The following KAT8 variants were observed in gnomAD, a reference collection of about 807,000 sequenced individuals.
KAT8 encodes the protein lysine acetyltransferase 8.
In KAT8, 40 loss-of-function variants were observed where a neutral mutation model predicts 62.9. The observed-to-expected ratio is 0.64, with a 90% CI of 0.49 to 0.83. KAT8 has a LOEUF of 0.83. Among genes scored for constraint, KAT8 ranks in the 40% least tolerant of loss-of-function variants. The probability of loss-of-function intolerance (pLI) is 0.00; values close to 1 mark genes in which losing one functional copy is unlikely to be tolerated. For synonymous variants in KAT8, 278 were observed against 254.5 expected (o/e 1.09, Z -0.88); for missense variants, 387 against 614.8 (o/e 0.63, Z 3.92).
At chr16:31,119,172 A>G (rs1336356262) in intron 1 of KAT8, among the ~76,000 whole-genome samples, 1 of 152,004 alleles carries the variant, frequency 6.6e-6, no homozygotes, top group African/African-American at 2.4e-5. Flanking sequence ...TTTGTTTGAG[A>G]TGGAATCGCT....
rs1465614829 is a variant in KAT8, at chr16:31,128,221, G to A, written c.771+82G>A. 12 of 1,105,200 alleles carry A rather than the reference G, an allele frequency of 1.1e-5. No homozygotes were observed. In the Admixed American group the frequency reaches 2.3e-4, roughly 22 times the overall value. The allele number at this position is 1,105,200 out of a possible 1,614,324, so 68.5% of individuals were successfully genotyped here. Reference sequence around the variant, plus strand: ...TGATCCTCATCACCACCAAAGGGGAGGGGGCAGCCTTAGCTGAGCCTCTAT... The same window carrying A: ...TGATCCTCATCACCACCAAAGGGGAAGGGGCAGCCTTAGCTGAGCCTCTAT... On this transcript the variant is annotated intron_variant, in intron 6 of 10. Coordinates refer to ENST00000219797, the MANE Select transcript of KAT8 (RefSeq NM_032188.3).
chr16:31,123,626 C>T (rs531414998), intron 3 of KAT8: 1 of 152,364 alleles, frequency 6.6e-6, no homozygotes, highest in Admixed American at 6.5e-5. Flanking sequence ...TGTGCCTCAG[C>T]CTCCCAAGTA....
chr16:31,120,424 G>C lies in KAT8; in HGVS notation c.372G>C (p.Glu124Asp), dbSNP rs2143966629. 4 of 1,614,006 alleles carry C rather than the reference G, an allele frequency of 2.5e-6. No individual in the cohort carries two copies. Among genetic ancestry groups the C allele is most frequent in the Non-Finnish European group, 3.4e-6 (4 of 1,180,020 alleles). The change falls in exon 3 of 11, where the codon GAG (glutamate) becomes GAC (aspartate). Residue 124 changes from glutamate (E) to aspartate (D), a missense_variant. Coordinates refer to ENST00000219797, the MANE Select transcript of KAT8 (RefSeq NM_032188.3). Reference protein sequence around the residue: ...TVKDAVQKNSEKYLSELAEQP... With the variant: ...TVKDAVQKNSDKYLSELAEQP... The stretch of plus-strand genomic sequence containing the variant: ...AGGATGCTGTACAGAAGAACTCAGA[G>C]AAGTACCTGAGCGAGCTCGCAGAGC...
rs766526589 is a variant in KAT8 at position 31,117,861 on chromosome 16, G to C, written c.180G>C (p.Thr60=). The C allele has an allele frequency of 8.4e-6, 12 of 1,420,482 alleles. No individual in the cohort carries two copies. Among genetic ancestry groups the C allele is most frequent in the South Asian group, 1.4e-5 (1 of 70,242 alleles). The allele number at this position is 1,420,482 out of a possible 1,614,324, so 88.0% of individuals were successfully genotyped here. A position where few individuals can be genotyped will look rare whatever the true frequency, so the allele number is the denominator to read the frequency against. Residue 60 remains threonine, a synonymous_variant, in exon 1 of 11, where the codon ACG becomes ACC. Coordinates refer to ENST00000219797, the MANE Select transcript of KAT8 (RefSeq NM_032188.3). The stretch of plus-strand genomic sequence containing the variant: ...AAGTCACGGTGGAGATCGGAGAAAC[G>C]TACCTGTGCCGGCGACCGGATAGCA... ...EPEVTVEIGE[T]YLCRRPDSTW... is the part of the protein sequence containing the mutation.
Position 31,120,406 on chromosome 16 carries a change from T to G in KAT8, c.354T>G (p.Ala118=). Residue 118 remains alanine (A), a synonymous_variant, in exon 3 of 11, where the codon GCT becomes GCG. Transcript: ENST00000219797. ...CGCTGACCAAGACAGTGAAGGATGC[T>G]GTACAGAAGAACTCAGAGAAGTACC... ...RLALTKTVKD[A]VQKNSEKYLS... is the part of the protein sequence containing the mutation. 2 of 1,614,058 alleles carry G rather than the reference T, an allele frequency of 1.2e-6. No homozygotes were observed. The highest frequency in any genetic ancestry group is 1.7e-6 in the Non-Finnish European group (2 of 1,180,006).
intron 1 of KAT8, among the ~76,000 whole-genome samples, chr16:31,119,608 C>A (rs1596817330): frequency 6.6e-6 from 1 of 152,094 alleles, no homozygotes; most frequent in Non-Finnish European, 1.5e-5. Flanking sequence ...AAATCTGTGA[C>A]CCTAGGTAAG....
chr16:31,128,364 A>G (rs969123075), intron 6 of KAT8, among the ~76,000 whole-genome samples: 10 of 152,268 alleles, frequency 6.6e-5, no homozygotes, highest in Admixed American at 2.0e-4. Context: ...CCTGGGTAAC[A>G]TGACGAAACT....
chr16:31,120,123 T>C (rs373569982), intron 1 of KAT8, 63 bp from the exon 2 acceptor site: 1 of 1,360,270 alleles, frequency 7.4e-7, no homozygotes, highest in African/African-American at 1.4e-5. Context: ...TGCTTCTCAG[T>C]GTGCAGGATT....
chr16:31,128,142 G>A lies in KAT8; in HGVS notation c.771+3G>A. ...AAGTTGATGGCAAAGACCATAAGGTGAGTGGGTGGCCAGGGGTTGGGAGAG... is the reference window on the plus strand; with the variant it reads ...AAGTTGATGGCAAAGACCATAAGGTAAGTGGGTGGCCAGGGGTTGGGAGAG... On this transcript the variant is annotated splice_donor_region_variant and intron_variant, in intron 6 of 10. Coordinates refer to ENST00000219797, the MANE Select transcript of KAT8 (RefSeq NM_032188.3). 6.2e-7 allele frequency: 1 copy of A among 1,612,898 alleles called. No homozygotes were observed. The highest frequency in any genetic ancestry group is 8.5e-7 in the Non-Finnish European group (1 of 1,179,120).
chr16:31,120,608 A>G (rs2057485998), intron 3 of KAT8, 94 bp downstream of exon 3: 6 of 1,169,880 alleles, frequency 5.1e-6, no homozygotes, highest in African/African-American at 1.5e-5. Context: ...ACCATAGCAA[A>G]TCCCATTTCT....
chr16:31,117,699 T>C lies in KAT8; in HGVS notation c.18T>C (p.Ala6=). The part of the protein sequence containing the change: MAAQG[A]AAAVAAGTSG... ...TTCCCGCGATGGCGGCACAGGGAGCTGCTGCGGCGGTTGCGGCGGGGACTT... is the reference window on the plus strand; with the variant it reads ...TTCCCGCGATGGCGGCACAGGGAGCCGCTGCGGCGGTTGCGGCGGGGACTT... Residue 6 remains alanine (A), a synonymous_variant, in exon 1 of 11, where the codon GCT becomes GCC. Transcript: ENST00000219797. The C allele has an allele frequency of 1.4e-6, 2 of 1,402,736 alleles. No individual in the cohort carries two copies. The highest frequency in any genetic ancestry group is 1.9e-6 in the Non-Finnish European group (2 of 1,073,980). 86.9% of individuals were successfully genotyped at this position (1,402,736 alleles called of 1,614,324 possible).
At chr16:31,123,055 C>T (rs1218207047) in intron 3 of KAT8, among the ~76,000 whole-genome samples, 2 of 151,954 alleles carry the variant, frequency 1.3e-5, no homozygotes, top group African/African-American at 2.4e-5. Flanking sequence ...TGGTGGTGCA[C>T]ACCTGTAATC....
intron 6 of KAT8, among the ~76,000 whole-genome samples, chr16:31,129,363 G>A (rs2057555371): frequency 6.6e-6 from 1 of 152,304 alleles, no homozygotes; most frequent in East Asian, 1.9e-4. Flanking sequence ...TTCCAACTGC[G>A]CTCTGCCAGC....
At chr16:31,120,147 C>G in intron 1 of KAT8, 39 bp from the exon 2 acceptor site, 1 of 1,564,700 alleles carries the variant, frequency 6.4e-7, no homozygotes, top group South Asian at 1.1e-5. Context: ...TTTGTTCCAG[C>G]CTTACCTTCC....
chr16:31,130,970 G>T, intron 10 of KAT8, 70 bp downstream of exon 10: 3 of 1,563,564 alleles, frequency 1.9e-6, no homozygotes, highest in Non-Finnish European at 2.6e-6. Flanking sequence ...AGGAGTCAAG[G>T]CCTCCTTATT....
intron 3 of KAT8, chr16:31,123,567 C>G (rs187157880): frequency 6.6e-6 from 1 of 151,254 alleles, no homozygotes; most frequent in South Asian, 2.1e-4. Context: ...AGTACAGTGG[C>G]GAGCTCTTGG....
In KAT8 at chr16:31,127,273, T is replaced by G; in HGVS notation, c.601T>G (p.Tyr201Asp). 6.2e-7 allele frequency: 1 copy of G among 1,614,186 alleles called. No individual in the cohort carries two copies. The highest frequency in any genetic ancestry group is 8.5e-7 in the Non-Finnish European group (1 of 1,180,000). ...GTATTTCTCACCATTCCCCGAAGAC[T>G]ATGGGAAACAGCCCAAGCTCTGGCT... is the stretch of plus-strand genomic sequence containing the variant. ...AWYFSPFPED[Y>D]GKQPKLWLCE... The change falls in exon 5 of 11, where the codon TAT becomes GAT. Residue 201 changes from tyrosine (Y) to aspartate (D), a missense_variant. Around this residue, in one of 6 missense-constraint regions of KAT8, gnomAD observed 141 missense variants for 222.5 expected, o/e 0.63. Transcript: ENST00000219797.
intron 3 of KAT8, chr16:31,126,535 A>C: frequency 6.1e-6 from 1 of 165,156 alleles, no homozygotes; most frequent in South Asian, 1.4e-4. Context: ...GTTTGCAGGG[A>C]GGAGTGATGA....
At chr16:31,125,259 C>G (rs1259040178) in intron 3 of KAT8, among the ~76,000 whole-genome samples, 2 of 151,694 alleles carry the variant, frequency 1.3e-5, no homozygotes, top group African/African-American at 4.8e-5. Flanking sequence ...CTCACTAGTC[C>G]CCGAGGGTAA....
Sources: gnomAD v4.1 joint callset for allele counts (sites outside exome capture counted in the v4.1 genomes callset) on GRCh38, gnomAD v4.1.1 for gene constraint, gnomAD v4.1.1 regional missense constraint, MANE v1.5 for transcripts, NCBI Gene and HGNC (gene_info 2026-07-23, HGNC 2026-07-21) for gene names.